INVS: variants seen among roughly 807,000 people sequenced by gnomAD.
The protein encoded by INVS is inversin.
Under a neutral mutation model 108.8 loss-of-function variants are expected in INVS, and 86 were observed. That is an observed-to-expected ratio of 0.79 (90% confidence interval 0.66 to 0.95). The LOEUF is 0.95. Ranked by LOEUF, INVS falls within the 40% of genes least tolerant of loss-of-function variation. The probability of loss-of-function intolerance (pLI) is 0.00; values close to 1 mark genes in which losing one functional copy is unlikely to be tolerated. For synonymous variants in INVS, 455 were observed against 473.5 expected (o/e 0.96, Z 0.51); for missense variants, 1,169 against 1,297.4 (o/e 0.90, Z 1.52).
At chr9:100,284,255 C>T in intron 12 of INVS, 65 bp from the exon 13 acceptor site, 8 of 1,587,868 alleles carry the variant, frequency 5.0e-6, no homozygotes, top group Non-Finnish European at 6.9e-6. Flanking sequence ...TTTAAACTCA[C>T]ACAGAGACTT....
At chr9:100,226,893 T>C (rs1250089234) in intron 4 of INVS, among the ~76,000 whole-genome samples, 1 of 151,104 alleles carries the variant, frequency 6.6e-6, no homozygotes, top group Non-Finnish European at 1.5e-5. Flanking sequence ...ATAGTTACTA[T>C]AGGTGGTTAG....
At chr9:100,214,788 T>A (rs1051206383) in intron 3 of INVS, 2 of 152,266 alleles carry the variant, frequency 1.3e-5, no homozygotes, top group East Asian at 3.8e-4. Context: ...ATGGCTGGCC[T>A]CAGCTGCTGT....
intron 8 of INVS, among the ~76,000 whole-genome samples, chr9:100,249,709 G>A (rs538527223): frequency 6.6e-6 from 1 of 151,814 alleles, no homozygotes; most frequent in African/African-American, 2.4e-5. Flanking sequence ...GGCCAGGCTG[G>A]TCTTGAACAT....
intron 3 of INVS, among the ~76,000 whole-genome samples, chr9:100,182,462 C>T (rs545946467): frequency 8.5e-5 from 13 of 152,202 alleles, no homozygotes; most frequent in East Asian, 3.9e-4. Flanking sequence ...TAAACAGACA[C>T]GTCTCAAAAA....
chr9:100,121,100 C>G (rs1488394368), intron 2 of INVS, among the ~76,000 whole-genome samples: 1 of 152,040 alleles, frequency 6.6e-6, no homozygotes, highest in Non-Finnish European at 1.5e-5. Context: ...TTGCAGTTTG[C>G]TTCTCCAAGG....
chr9:100,118,008 T>C (rs116491592), intron 2 of INVS, among the ~76,000 whole-genome samples: 145 of 152,094 alleles, frequency 9.5e-4, no homozygotes, highest in African/African-American at 3.4e-3. Flanking sequence ...CTCAGACTTC[T>C]AGCCTCCAGA....
intron 2 of INVS, among the ~76,000 whole-genome samples, chr9:100,108,546 T>A (rs1827246617): frequency 6.6e-6 from 1 of 152,216 alleles, no homozygotes; most frequent in Non-Finnish European, 1.5e-5. Context: ...ATTTTAAACA[T>A]CTTTTTATGT....
intron 2 of INVS, among the ~76,000 whole-genome samples, chr9:100,120,146 C>G (rs1247203203): frequency 6.6e-6 from 1 of 152,172 alleles, no homozygotes; most frequent in Admixed American, 6.5e-5. Context: ...TGGCTTATGC[C>G]TGTAATCCCA....
intron 2 of INVS, among the ~76,000 whole-genome samples, chr9:100,115,863 A>G (rs1047129469): frequency 2.0e-5 from 3 of 152,300 alleles, no homozygotes; most frequent in Middle Eastern, 3.4e-3. Flanking sequence ...TCCCTCAGGA[A>G]TCGCCACACT....
At position 100,301,158 on chromosome 9, in the gene INVS, CACACACACACACACACACACAT is replaced by C. The variant is rs1225865256; in HGVS notation, c.*486_*507del. 4.5e-4 allele frequency among the ~76,000 whole-genome samples: 52 copies of C among 115,878 alleles called. No homozygotes were observed. In the East Asian group the frequency reaches 0.026, roughly 57 times the overall value. The allele number at this position is 115,878 out of a possible 152,430, so 76.0% of individuals were successfully genotyped here. On this transcript the variant is annotated 3_prime_UTR_variant, in exon 17 of 17. Transcript: ENST00000262457. Reference sequence around the variant, plus strand: ...AACTTATCACACACACACACACACACACACACACACACACACACACATATCACGTCCCACTATTACTTCAAAA... The same window carrying C: ...AACTTATCACACACACACACACACACATCACGTCCCACTATTACTTCAAAA...
intron 2 of INVS, among the ~76,000 whole-genome samples, chr9:100,108,042 A>C (rs752184367): frequency 6.6e-6 from 1 of 152,214 alleles, no homozygotes; most frequent in African/African-American, 2.4e-5. Flanking sequence ...ATGAGAAAAA[A>C]AAATTTTAAG....
chr9:100,268,430 C>T (rs1042421799), intron 11 of INVS, among the ~76,000 whole-genome samples: 5 of 152,106 alleles, frequency 3.3e-5, no homozygotes, highest in Admixed American at 1.3e-4. Context: ...GTTCCCTTAA[C>T]GGTAAACATC....
intron 5 of INVS, 138 bp downstream of exon 5, chr9:100,229,965 C>G (rs919338331): frequency 7.6e-6 from 6 of 792,000 alleles, no homozygotes; most frequent in Non-Finnish European, 1.0e-5. Context: ...TGGACTCATC[C>G]CCCAAGAAGT....
At position 100,229,651 on chromosome 9, in the gene INVS, A is replaced by G. The variant is rs1831444640; in HGVS notation, c.448-9A>G. The G allele has an allele frequency of 6.2e-7, 1 of 1,613,670 alleles. No individual in the cohort carries two copies. Among genetic ancestry groups the G allele is most frequent in the Non-Finnish European group, 8.5e-7 (1 of 1,179,764 alleles). On this transcript the variant is annotated splice_polypyrimidine_tract_variant and intron_variant, in intron 4 of 16. Transcript: ENST00000262457. Reference sequence around the variant, plus strand: ...CTGTTGTTATTTCGAGAACCTCTCGATTTTGCAGCAAACAGCTCTGCATTG... The same window carrying G: ...CTGTTGTTATTTCGAGAACCTCTCGGTTTTGCAGCAAACAGCTCTGCATTG...
chr9:100,235,221 A>T (rs1357909354), intron 5 of INVS, among the ~76,000 whole-genome samples: 1 of 151,628 alleles, frequency 6.6e-6, no homozygotes, highest in African/African-American at 2.4e-5. Context: ...TTTGCTTGGT[A>T]AATCTTCCTC....
Position 100,242,575 on chromosome 9 carries a change from G to A in INVS, c.802G>A (p.Ala268Thr), listed in dbSNP as rs1831912640. The A allele has an allele frequency of 6.4e-7, 1 of 1,570,010 alleles. No individual in the cohort carries two copies. Among genetic ancestry groups the A allele is most frequent in the Non-Finnish European group, 8.8e-7 (1 of 1,140,224 alleles). The change falls in exon 7 of 17, where the codon GCA becomes ACA. Residue 268 changes from alanine (A) to threonine (T), a missense_variant. Physicochemically the swap from Ala to Thr is moderately conservative, Grantham distance 58. This residue lies in a region of INVS where 365 missense variants were observed against 397.5 expected (regional missense o/e 0.92). Transcript: ENST00000262457. ...CTTTTTGTGTCTTTTCTCAGGCCAT[G>A]CACAGATTGTCCATCTCCTTTTAGA... ...PLHWAALLGHAQIVHLLLERN... is the reference protein window; with the variant it reads ...PLHWAALLGHTQIVHLLLERN...
chr9:100,105,850 CTTTTTTTTTTTT>C (rs543070811), intron 2 of INVS, among the ~76,000 whole-genome samples: 80 of 63,838 alleles, frequency 1.3e-3, no homozygotes, highest in African/African-American at 4.1e-3. Flanking sequence ...GAAAAATTCC[CTTTTTTTTTTTT>C]TTTTTTTTTT....
chr9:100,170,189 C>T (rs2119036803), intron 3 of INVS, among the ~76,000 whole-genome samples: 1 of 152,236 alleles, frequency 6.6e-6, no homozygotes, highest in South Asian at 2.1e-4. Flanking sequence ...AGATTTCATG[C>T]AGTTCTTCTA....
intron 3 of INVS, among the ~76,000 whole-genome samples, chr9:100,146,439 G>A (rs846763): frequency 0.47 from 71,114 of 151,898 alleles, 18,024 homozygotes; most frequent in East Asian, 0.9. Context: ...AATGTCATCA[G>A]TTAAGGCAGG....
Sources: allele counts gnomAD v4.1 joint callset (sites outside exome capture counted in the v4.1 genomes callset), GRCh38; gene constraint gnomAD v4.1.1; regional missense constraint gnomAD v4.1.1; transcripts MANE v1.5; gene names NCBI Gene and HGNC (gene_info 2026-07-23, HGNC 2026-07-21).